The following ERICH5 variants were observed in gnomAD, a reference collection of about 807,000 sequenced individuals.
The protein encoded by ERICH5 is glutamate rich 5, also known as glutamate-rich protein 5.
ERICH5 carries 24 observed loss-of-function variants against 28.0 expected under a neutral mutation model. The observed-to-expected ratio is 0.86, with a 90% CI of 0.62 to 1.21. ERICH5 has a LOEUF of 1.21. Ranked by LOEUF, ERICH5 falls within the 50% of genes most tolerant of loss-of-function variation. The pLI is 0.00. For synonymous variants in ERICH5, 163 were observed against 157.6 expected, an observed-to-expected ratio of 1.03 and a Z score of -0.25; for missense variants, 421 against 441.2, an observed-to-expected ratio of 0.95 and a Z score of 0.41.
intron 1 of ERICH5, among the ~76,000 whole-genome samples, chr8:98,077,083 C>T (rs575320782): frequency 4.8e-5 from 7 of 147,080 alleles, no homozygotes; most frequent in Non-Finnish European, 4.5e-5. Flanking sequence ...GGCAACATAG[C>T]GAGGCCCTGT....
At position 98,089,955 on chromosome 8, in the gene ERICH5, G is replaced by A. The variant is rs762941709; in HGVS notation, c.938G>A (p.Arg313Gln). 4.6e-5 allele frequency: 75 copies of A among 1,614,080 alleles called. No homozygotes were observed. The highest frequency in any genetic ancestry group is 5.5e-5 in the Non-Finnish European group (65 of 1,180,042). The change falls in exon 2 of 3, where the codon CGA becomes CAA. Residue 313 changes from arginine (R) to glutamine (Q), a missense_variant. Coordinates refer to ENST00000318528, the MANE Select transcript of ERICH5 (RefSeq NM_173549.3). ...GIVGSMEHPA[R>Q]NVEAGAYVEM... ...GTTGGAAGCATGGAGCATCCAGCACGAAATGTAGAGGCAGGAGCATATGTG... is the reference window on the plus strand; with the variant it reads ...GTTGGAAGCATGGAGCATCCAGCACAAAATGTAGAGGCAGGAGCATATGTG...
chr8:98,091,900 C>CTTTCTTTCTTTTT lies in ERICH5; in HGVS notation c.1013-1321_1013-1320insTTTCTTTCTTTTT. On this transcript the variant is annotated intron_variant, in intron 2 of 2. Coordinates refer to ENST00000318528, the MANE Select transcript of ERICH5 (RefSeq NM_173549.3). ...TCTTTCTTTCTTTCTTTCTTTCTTT[C>CTTTCTTTCTTTTT]CTTTCTTTCTTTCTTTCTTCCTTTC... 3.7e-4 allele frequency among the ~76,000 whole-genome samples: 28 copies of CTTTCTTTCTTTTT among 74,708 alleles called. 2 individuals carry two copies. The highest frequency in any genetic ancestry group is 1.6e-3 in the African/African-American group (28 of 17,842). The allele number at this position is 74,708 out of a possible 152,430, so 49.0% of individuals were successfully genotyped here. A position where few individuals can be genotyped will look rare whatever the true frequency, so the allele number is the denominator to read the frequency against.
rs781179086 is a variant in ERICH5 at position 98,089,867 on chromosome 8, G to T, written c.850G>T (p.Asp284Tyr). 1.2e-6 allele frequency: 2 copies of T among 1,614,154 alleles called. No individual in the cohort carries two copies. Among genetic ancestry groups the T allele is most frequent in the South Asian group, 2.2e-5 (2 of 91,068 alleles). ...SQLVEKPVMNDPFHKTPEGPG... is the reference protein window; with the variant it reads ...SQLVEKPVMNYPFHKTPEGPG... ...GCTTGTGGAAAAGCCTGTTATGAAT[G>T]ATCCATTCCATAAAACTCCTGAAGG... The change falls in exon 2 of 3, where the codon GAT (aspartate) becomes TAT (tyrosine). Residue 284 changes from aspartate (D) to tyrosine (Y), a missense_variant. Asp to Tyr is a radical substitution (Grantham distance 160). Coordinates refer to ENST00000318528, the MANE Select transcript of ERICH5 (RefSeq NM_173549.3).
At position 98,089,295 on chromosome 8, in the gene ERICH5, A is replaced by G. The variant is rs1290106691; in HGVS notation, c.278A>G (p.Asp93Gly). The change falls in exon 2 of 3, where the codon GAT becomes GGT. Residue 93 changes from aspartate (D) to glycine (G), a missense_variant. Physicochemically the swap from Asp to Gly is moderately conservative, Grantham distance 94. Coordinates refer to ENST00000318528, the MANE Select transcript of ERICH5 (RefSeq NM_173549.3). ...GCCAAGGACGTAGCCCCTGGAAGGGATGCCACAGACCAATCAGGGTCCACA... is the reference window on the plus strand; with the variant it reads ...GCCAAGGACGTAGCCCCTGGAAGGGGTGCCACAGACCAATCAGGGTCCACA... The part of the protein sequence containing the change: ...PLAKDVAPGR[D>G]ATDQSGSTEK... 6.2e-7 allele frequency: 1 copy of G among 1,614,238 alleles called. No homozygotes were observed. Among genetic ancestry groups the G allele is most frequent in the South Asian group, 1.1e-5 (1 of 91,088 alleles).
At chr8:98,070,077 T>TG (rs915789790) in intron 1 of ERICH5, among the ~76,000 whole-genome samples, 1 of 152,182 alleles carries the variant, frequency 6.6e-6, no homozygotes, top group Non-Finnish European at 1.5e-5. Flanking sequence ...CTAGTAGGTC[T>TG]AGTAAGCCTA....
chr8:98,085,517 G>A (rs1251197803), intron 1 of ERICH5, among the ~76,000 whole-genome samples: 1 of 151,928 alleles, frequency 6.6e-6, no homozygotes. Flanking sequence ...GGTTGTTTCC[G>A]GGTTTGGGCT....
chr8:98,064,960 G>C (rs896928819), intron 1 of ERICH5, among the ~76,000 whole-genome samples: 1 of 152,232 alleles, frequency 6.6e-6, no homozygotes, highest in African/African-American at 2.4e-5. Flanking sequence ...CTCGCTGCGA[G>C]ACGCGCGGGG....
At chr8:98,070,861 A>G (rs1406597928) in intron 1 of ERICH5, among the ~76,000 whole-genome samples, 1 of 152,062 alleles carries the variant, frequency 6.6e-6, no homozygotes, top group Middle Eastern at 3.2e-3. Context: ...ACTGAAAGGT[A>G]ATATTGGCCA....
intron 1 of ERICH5, among the ~76,000 whole-genome samples, chr8:98,073,407 T>TCA: frequency 5.9e-5 from 1 of 16,814 alleles, no homozygotes; most frequent in East Asian, 0.012. Flanking sequence ...TGAGACCCTC[T>TCA]CTCTCTCTCT....
At chr8:98,080,229 A>C (rs919903423) in intron 1 of ERICH5, among the ~76,000 whole-genome samples, 1 of 152,206 alleles carries the variant, frequency 6.6e-6, no homozygotes, top group Non-Finnish European at 1.5e-5. Context: ...TGTCAATTCT[A>C]ACAAGCCTGA....
At chr8:98,090,143 G>T in intron 2 of ERICH5, 114 bp downstream of exon 2, 1 of 771,462 alleles carries the variant, frequency 1.3e-6, no homozygotes, top group Middle Eastern at 2.4e-4. Context: ...TCAGGTGGTT[G>T]AAGTTCGTTT....
intron 2 of ERICH5, among the ~76,000 whole-genome samples, chr8:98,091,939 T>C: frequency 3.2e-5 from 1 of 30,994 alleles, no homozygotes; most frequent in African/African-American, 1.0e-4. Flanking sequence ...CTTTCTTCCT[T>C]TCTTTCTTTC....
chr8:98,082,639 C>T (rs552570548), intron 1 of ERICH5, among the ~76,000 whole-genome samples: 193 of 127,434 alleles, frequency 1.5e-3, no homozygotes, highest in African/African-American at 4.8e-3. Context: ...GAGCAAAACT[C>T]CATCTCAAAA....
intron 1 of ERICH5, among the ~76,000 whole-genome samples, chr8:98,078,357 A>G (rs889908144): frequency 5.3e-5 from 8 of 152,330 alleles, no homozygotes; most frequent in Middle Eastern, 3.4e-3. Context: ...TCTTGGTTCC[A>G]AAACCTCAAA....
intron 2 of ERICH5, among the ~76,000 whole-genome samples, chr8:98,092,893 AGC>A (rs1491312088): frequency 4.0e-5 from 6 of 150,500 alleles, no homozygotes; most frequent in African/African-American, 1.5e-4. Context: ...CTCTTGCCTC[AGC>A]CCCCCGAGTA....
At chr8:98,091,897 T>TTTC (rs1554621694) in intron 2 of ERICH5, among the ~76,000 whole-genome samples, 4 of 45,462 alleles carry the variant, frequency 8.8e-5, no homozygotes, top group African/African-American at 2.9e-4. Flanking sequence ...TCTTTCTTTC[T>TTTC]TTCCTTTCTT....
intron 2 of ERICH5, among the ~76,000 whole-genome samples, chr8:98,091,927 T>TC (rs1163775939): frequency 9.6e-5 from 7 of 72,818 alleles, no homozygotes; most frequent in African/African-American, 3.2e-4. Context: ...CTTCCTTTCT[T>TC]TCTTTCTTCC....
At chr8:98,085,496 A>G (rs1221193589) in intron 1 of ERICH5, among the ~76,000 whole-genome samples, 1 of 152,018 alleles carries the variant, frequency 6.6e-6, no homozygotes, top group Non-Finnish European at 1.5e-5. Flanking sequence ...TCACCTGTTG[A>G]TGGACACTTG....
intron 1 of ERICH5, among the ~76,000 whole-genome samples, chr8:98,082,397 A>G (rs995930771): frequency 6.6e-6 from 1 of 152,120 alleles, no homozygotes; most frequent in Admixed American, 6.6e-5. Flanking sequence ...TGTAATCCCA[A>G]CACTTCAGGA....
Sources: gnomAD v4.1 joint callset for allele counts (sites outside exome capture counted in the v4.1 genomes callset) on GRCh38, gnomAD v4.1.1 for gene constraint, MANE v1.5 for transcripts, NCBI Gene and HGNC (gene_info 2026-07-23, HGNC 2026-07-21) for gene names.